Variants in CSMD1 observed in about 807,000 individuals in gnomAD.
CSMD1 encodes the protein CUB and Sushi multiple domains 1, also known as CUB and sushi domain-containing protein 1.
In CSMD1, 213 loss-of-function variants were observed where a neutral mutation model predicts 417.5. That is an observed-to-expected ratio of 0.51 (90% CI 0.46 to 0.57). The LOEUF (loss-of-function observed/expected upper bound fraction) is 0.57, where lower values mean the gene tolerates loss of function less well. CSMD1 is among the 20% of genes least tolerant of loss of function. The probability of loss-of-function intolerance (pLI) is 0.00; values close to 1 mark genes in which losing one functional copy is unlikely to be tolerated. For missense variants in CSMD1, 6,923 were observed against 4,529.7 expected (o/e 1.53, Z -15.17); for synonymous variants, 2,862 against 1,736.8 (o/e 1.65, Z -16.11).
chr8:4,060,987 G>T (rs540861017), intron 3 of CSMD1, among the ~76,000 whole-genome samples: 1 of 152,134 alleles, frequency 6.6e-6, no homozygotes, highest in African/African-American at 2.4e-5. Flanking sequence ...AGCTGCTTGT[G>T]AGCAAGCAAA....
chr8:4,173,651 T>G (rs1338783880), intron 3 of CSMD1, among the ~76,000 whole-genome samples: 1 of 152,148 alleles, frequency 6.6e-6, no homozygotes, highest in East Asian at 1.9e-4. Context: ...ATGCCACTTT[T>G]CAGACCCAAA....
chr8:3,257,875 C>T (rs1800777370), intron 26 of CSMD1, among the ~76,000 whole-genome samples: 1 of 152,028 alleles, frequency 6.6e-6, no homozygotes, highest in South Asian at 2.1e-4. Context: ...ATCCAGGGGC[C>T]ATTGCTGGGT....
At chr8:3,505,613 G>T (rs1255774468) in intron 10 of CSMD1, among the ~76,000 whole-genome samples, 5 of 152,060 alleles carry the variant, frequency 3.3e-5, no homozygotes, top group Admixed American at 2.6e-4. Flanking sequence ...AGAAGAACAA[G>T]CAGATTATAT....
chr8:4,515,230 G>A lies in CSMD1; in HGVS notation c.303-95165C>T, dbSNP rs188685590. On this transcript the variant is annotated intron_variant, in intron 2 of 69. Coordinates refer to ENST00000635120, the MANE Select transcript of CSMD1 (RefSeq NM_033225.6). ...AATATTTAATGAGTCTCTATTACGC[G>A]TTAGGTGCTCTGCTAGGAAATGGAA... Among the ~76,000 whole-genome samples, 290 of 152,224 alleles carry A rather than the reference G, an allele frequency of 1.9e-3. 2 individuals carry two copies. The highest frequency in any genetic ancestry group is 6.7e-3 in the African/African-American group (277 of 41,528).
chr8:4,764,872 C>CAAAAAAAAAAA (rs1194894751), intron 1 of CSMD1, among the ~76,000 whole-genome samples: 8 of 50,936 alleles, frequency 1.6e-4, no homozygotes, highest in Non-Finnish European at 2.5e-4. Context: ...GACTCCATCT[C>CAAAAAAAAAAA]AAAAAAAAAA....
intron 6 of CSMD1, among the ~76,000 whole-genome samples, chr8:3,743,558 C>A (rs535233712): frequency 2.0e-5 from 3 of 152,086 alleles, no homozygotes; most frequent in Non-Finnish European, 4.4e-5. Context: ...AAAATTAAAT[C>A]TTGGGACCTC....
intron 37 of CSMD1, among the ~76,000 whole-genome samples, chr8:3,179,046 C>G (rs1436761133): frequency 6.6e-6 from 1 of 150,722 alleles, no homozygotes; most frequent in Non-Finnish European, 1.5e-5. Flanking sequence ...CTCCCGGGTT[C>G]ACGCCATTCT....
At chr8:3,292,120 C>T (rs555819958) in intron 25 of CSMD1, among the ~76,000 whole-genome samples, 3 of 152,224 alleles carry the variant, frequency 2.0e-5, no homozygotes, top group African/African-American at 7.2e-5. Flanking sequence ...GTTCAGTTTC[C>T]ATATAGTTGA....
intron 1 of CSMD1, among the ~76,000 whole-genome samples, chr8:4,646,513 T>C (rs1285479595): frequency 6.6e-6 from 1 of 152,222 alleles, no homozygotes; most frequent in Non-Finnish European, 1.5e-5. Context: ...TACTATAGGA[T>C]GGATTCAGCA....
intron 2 of CSMD1, among the ~76,000 whole-genome samples, chr8:4,631,043 C>T (rs1802479731): frequency 6.6e-6 from 1 of 152,110 alleles, no homozygotes. Context: ...CAATCTTAAC[C>T]AGACATCACT....
intron 1 of CSMD1, among the ~76,000 whole-genome samples, chr8:4,915,822 G>A (rs1308187252): frequency 6.6e-6 from 1 of 152,230 alleles, no homozygotes; most frequent in Non-Finnish European, 1.5e-5. Context: ...TGGCCACACG[G>A]AGACCCATCT....
chr8:4,803,816 T>C (rs535000264), intron 1 of CSMD1, among the ~76,000 whole-genome samples: 43 of 152,334 alleles, frequency 2.8e-4, no homozygotes, highest in Non-Finnish European at 3.8e-4. Context: ...TTTGAGCTCA[T>C]AGAATATCCT....
intron 5 of CSMD1, among the ~76,000 whole-genome samples, chr8:3,945,556 C>T (rs760412879): frequency 7.9e-5 from 12 of 152,112 alleles, no homozygotes; most frequent in Middle Eastern, 6.8e-3. Flanking sequence ...TTTTGAGAGA[C>T]AAGTTTAAAA....
At chr8:3,879,896 T>A (rs1806095938) in intron 5 of CSMD1, among the ~76,000 whole-genome samples, 1 of 152,078 alleles carries the variant, frequency 6.6e-6, no homozygotes, top group African/African-American at 2.4e-5. Context: ...GTATTCACGT[T>A]TTTATCCCCT....
chr8:4,632,691 T>A (rs1317115272), intron 2 of CSMD1, among the ~76,000 whole-genome samples: 1 of 152,074 alleles, frequency 6.6e-6, no homozygotes, highest in Non-Finnish European at 1.5e-5. Flanking sequence ...TTCAAAGGAG[T>A]ACAGGCTTCC....
At chr8:4,406,175 G>T (rs1312026803) in intron 3 of CSMD1, among the ~76,000 whole-genome samples, 2 of 152,174 alleles carry the variant, frequency 1.3e-5, no homozygotes, top group Non-Finnish European at 2.9e-5. Context: ...TAGATATGCT[G>T]AGTAGGATTT....
At chr8:3,236,062 C>A (rs993024311) in intron 26 of CSMD1, among the ~76,000 whole-genome samples, 1 of 151,460 alleles carries the variant, frequency 6.6e-6, no homozygotes, top group Non-Finnish European at 1.5e-5. Flanking sequence ...GGACTACAGG[C>A]GCCTACCACC....
chr8:4,388,519 T>G (rs1035350931), intron 3 of CSMD1, among the ~76,000 whole-genome samples: 45 of 145,552 alleles, frequency 3.1e-4, no homozygotes, highest in African/African-American at 1.1e-3. Flanking sequence ...ACAAAGGGCA[T>G]AAGAAGGATA....
intron 12 of CSMD1, among the ~76,000 whole-genome samples, chr8:3,441,510 T>TAC (rs71199578): frequency 1.4e-5 from 2 of 147,046 alleles, no homozygotes; most frequent in African/African-American, 2.5e-5. Flanking sequence ...TATATATATA[T>TAC]ACACACACAC....
Sources: gnomAD v4.1 joint callset for allele counts (sites outside exome capture counted in the v4.1 genomes callset) on GRCh38, gnomAD v4.1.1 for gene constraint, MANE v1.5 for transcripts, NCBI Gene and HGNC (gene_info 2026-07-23, HGNC 2026-07-21) for gene names.